ZP3: variants seen among roughly 807,000 people sequenced by gnomAD.
ZP3 encodes zona pellucida glycoprotein 3, also known as zona pellucida sperm-binding protein 3.
ZP3 carries 21 observed loss-of-function variants against 35.6 expected under a neutral mutation model. The observed-to-expected ratio is 0.59, with a 90% CI of 0.42 to 0.85. The LOEUF (loss-of-function observed/expected upper bound fraction) is 0.85, where lower values mean the gene tolerates loss of function less well. ZP3 is among the 40% of genes least tolerant of loss of function. ZP3 has a pLI of 0.00. For synonymous variants in ZP3, 207 were observed against 214.5 expected (o/e 0.96, Z 0.31); for missense variants, 437 against 536.5 (o/e 0.81, Z 1.83).
intron 1 of ZP3, among the ~76,000 whole-genome samples, chr7:76,413,108 G>A (rs983003086): frequency 4.6e-5 from 7 of 151,506 alleles, no homozygotes; most frequent in Admixed American, 2.0e-4. Flanking sequence ...GACTACAGGC[G>A]CGTGCCACTG....
intron 1 of ZP3, among the ~76,000 whole-genome samples, chr7:76,411,569 A>AG (rs1436473695): frequency 1.3e-5 from 2 of 152,120 alleles, no homozygotes; most frequent in Admixed American, 6.6e-5. Context: ...ACCCTGTTTT[A>AG]GGGGAAAAAA....
At chr7:76,401,050 C>G in intron 1 of ZP3, 2 of 1,545,864 alleles carry the variant, frequency 1.3e-6, no homozygotes, top group Non-Finnish European at 1.7e-6. Context: ...CTGGCTGAAA[C>G]AGAGTGAGGA....
rs141846613 is a variant in ZP3 at position 76,411,624 on chromosome 7, GA to G, written c.-66-13419del. 1.7e-3 allele frequency among the ~76,000 whole-genome samples: 264 copies of G among 150,982 alleles called. 1 individual carries two copies. Among genetic ancestry groups the G allele is most frequent in the Non-Finnish European group, 2.5e-3 (166 of 67,696 alleles). On this transcript the variant is annotated intron_variant, in intron 1 of 8. Coordinates refer to the ZP3 transcript ENST00000336517. Reference sequence around the variant, plus strand: ...TTGCCACCCACCTATGAGAATGGTTGAAAAAAAAATAGTTGGTGATATCAAA... The same window carrying G: ...TTGCCACCCACCTATGAGAATGGTTGAAAAAAAATAGTTGGTGATATCAAA...
intron 1 of ZP3, among the ~76,000 whole-genome samples, chr7:76,419,570 G>C (rs1226076535): frequency 6.6e-6 from 1 of 151,860 alleles, no homozygotes; most frequent in Non-Finnish European, 1.5e-5. Context: ...TTTTATATCT[G>C]TTAGGGTGTG....
intron 4 of ZP3, 140 bp downstream of exon 4, chr7:76,433,787 C>T: frequency 1.8e-6 from 2 of 1,100,076 alleles, no homozygotes; most frequent in South Asian, 1.5e-5. Context: ...CAACCTCTGC[C>T]TCCCAGGTTT....
At chr7:76,412,717 C>T (rs1031968576) in intron 1 of ZP3, among the ~76,000 whole-genome samples, 2 of 151,858 alleles carry the variant, frequency 1.3e-5, no homozygotes, top group Admixed American at 6.6e-5. Context: ...GGGGTGGTGG[C>T]GCATGCCTGT....
At chr7:76,436,931 T>G (rs2115934170) in intron 5 of ZP3, among the ~76,000 whole-genome samples, 1 of 152,272 alleles carries the variant, frequency 6.6e-6, no homozygotes, top group East Asian at 1.9e-4. Context: ...TGGAAGATAG[T>G]CTGAGCCCTT....
intron 2 of ZP3, 95 bp from the exon 3 acceptor site, chr7:76,432,832 C>G: frequency 9.5e-7 from 1 of 1,054,502 alleles, no homozygotes; most frequent in South Asian, 1.4e-5. Flanking sequence ...AGCTGAGGAC[C>G]CTGTAGTGGG....
chr7:76,425,333 T>G (rs1313426425), intron 1 of ZP3, 57 bp downstream of exon 1: 2 of 1,524,008 alleles, frequency 1.3e-6, no homozygotes, highest in East Asian at 2.3e-5. Context: ...CAGCCGGGTA[T>G]GGGGACTGTG....
chr7:76,400,517 C>T lies in ZP3; in HGVS notation c.-67+2720C>T, dbSNP rs755084642. On this transcript the variant is annotated intron_variant, in intron 1 of 8. Coordinates refer to the ZP3 transcript ENST00000336517. Reference sequence around the variant, plus strand: ...ACCACGTCCCAGTCGTCATCACAGACGCTGCCCCAGGAGCCACCGTGCATG... The same window carrying T: ...ACCACGTCCCAGTCGTCATCACAGATGCTGCCCCAGGAGCCACCGTGCATG... 32 of 1,584,976 alleles carry T rather than the reference C, an allele frequency of 2.0e-5. No homozygotes were observed. Among genetic ancestry groups the T allele is most frequent in the Middle Eastern group, 3.3e-4 (2 of 5,982 alleles).
Position 76,425,026 on chromosome 7 carries a change from A to AC in ZP3, c.67dup (p.Gln23ProfsTer14). On this transcript the variant is annotated frameshift_variant, in exon 1 of 8. Transcript: ENST00000394857. LOFTEE classifies it high-confidence loss of function. ...CTCTGGGGTAGTACTGAGCTGTGCT[A>AC]CCCCCAACCCCTCTGGCTCTTGCAG... 2 of 1,591,244 alleles carry AC rather than the reference A, an allele frequency of 1.3e-6. No individual in the cohort carries two copies. Among genetic ancestry groups the AC allele is most frequent in the South Asian group, 2.3e-5 (2 of 88,596 alleles).
exon 1 of ZP3, chr7:76,397,753 G>T (rs965675574): frequency 5.0e-6 from 8 of 1,612,914 alleles, no homozygotes; most frequent in African/African-American, 1.3e-5. Context: ...CACACACGGT[G>T]CCCCACAGGC....
intron 1 of ZP3, chr7:76,404,645 A>C: frequency 1.5e-6 from 1 of 664,466 alleles, no homozygotes. Flanking sequence ...GTTTTTAAAA[A>C]TGAGGCCGGG....
At chr7:76,441,191 G>T (rs1217666862) in intron 7 of ZP3, among the ~76,000 whole-genome samples, 4 of 148,794 alleles carry the variant, frequency 2.7e-5, no homozygotes, top group South Asian at 2.2e-4. Context: ...ATAATAATCT[G>T]GCCAGAACAG....
intron 1 of ZP3, among the ~76,000 whole-genome samples, chr7:76,413,151 C>T (rs532580799): frequency 4.0e-5 from 6 of 149,846 alleles, no homozygotes; most frequent in Non-Finnish European, 8.9e-5. Flanking sequence ...TTAGTAGAGA[C>T]GGGGTTTCAT....
chr7:76,398,905 C>A, intron 1 of ZP3: 1 of 1,091,990 alleles, frequency 9.2e-7, no homozygotes, highest in South Asian at 1.4e-5. Flanking sequence ...GCCGCCAGAG[C>A]CTCTGGCCAC....
intron 3 of ZP3, 139 bp downstream of exon 3, chr7:76,433,169 T>TTTTGGTTGGTTTTGGTTGG: frequency 1.3e-6 from 1 of 789,306 alleles, no homozygotes; most frequent in Non-Finnish European, 2.0e-6. Context: ...TTTTGGTTGG[T>TTTTGGTTGGTTTTGGTTGG]TTTTGAGACA....
chr7:76,419,351 C>A (rs1199719904), intron 1 of ZP3, among the ~76,000 whole-genome samples: 1 of 152,120 alleles, frequency 6.6e-6, no homozygotes, highest in Non-Finnish European at 1.5e-5. Flanking sequence ...ATCTAGAATT[C>A]ATTTTTATGT....
chr7:76,432,004 A>C (rs2115910016), intron 2 of ZP3, among the ~76,000 whole-genome samples: 1 of 151,726 alleles, frequency 6.6e-6, no homozygotes, highest in Non-Finnish European at 1.5e-5. Flanking sequence ...TCTAGGGCTA[A>C]AGTATGTGTG....
Sources: allele counts gnomAD v4.1 joint callset (sites outside exome capture counted in the v4.1 genomes callset), GRCh38; gene constraint gnomAD v4.1.1; transcripts MANE v1.5; gene names NCBI Gene and HGNC (gene_info 2026-07-23, HGNC 2026-07-21).